NOVA1: variants seen among roughly 807,000 people sequenced by gnomAD.
NOVA1 encodes NOVA alternative splicing regulator 1.
A neutral mutation model predicts 38.0 loss-of-function variants in NOVA1; 7 were observed. The ratio of observed to expected loss-of-function variants is 0.18; its 90% CI spans 0.10 to 0.35. NOVA1 has a LOEUF of 0.35. NOVA1 is among the 10% of genes least tolerant of loss of function. The pLI is 1.00. For synonymous variants in NOVA1, 270 were observed against 232.5 expected, an observed-to-expected ratio of 1.16 and a Z score of -1.47; for missense variants, 460 against 616.0, an observed-to-expected ratio of 0.75 and a Z score of 2.68.
intron 2 of NOVA1, among the ~76,000 whole-genome samples, chr14:26,568,194 T>A (rs1022065976): frequency 6.6e-6 from 1 of 152,348 alleles, no homozygotes; most frequent in East Asian, 1.9e-4. Flanking sequence ...TTATTAGATC[T>A]TCTTTCTCAA....
At chr14:26,594,137 C>G (rs866145609) in intron 2 of NOVA1, 43 of 151,856 alleles carry the variant, frequency 2.8e-4, no homozygotes, top group African/African-American at 9.7e-4. Context: ...AAGCCATCTG[C>G]AAAACTACAC....
At chr14:26,486,484 C>T (rs1346633670) in intron 2 of NOVA1, among the ~76,000 whole-genome samples, 2 of 151,470 alleles carry the variant, frequency 1.3e-5, no homozygotes, top group East Asian at 3.9e-4. Context: ...CTGAGGCGGG[C>T]GGATCATGAG....
At chr14:26,461,258 CT>C (rs1319358339) in intron 4 of NOVA1, among the ~76,000 whole-genome samples, 2 of 152,144 alleles carry the variant, frequency 1.3e-5, no homozygotes, top group East Asian at 1.9e-4. Flanking sequence ...ACTCTTTCCC[CT>C]GATGTGTACC....
chr14:26,589,194 G>A lies in NOVA1; in HGVS notation c.280+6216C>T, dbSNP rs572072610. 1.1e-3 allele frequency among the ~76,000 whole-genome samples: 166 copies of A among 151,574 alleles called. 1 individual carries two copies. The highest frequency in any genetic ancestry group is 3.0e-3 in the African/African-American group (124 of 41,446). On this transcript the variant is annotated intron_variant, in intron 2 of 4. Transcript: ENST00000539517. ...GATAGTACAGACTTTGCCAGATTTC[G>A]TTTAAATGTATTTTTACCTTTGAAT...
At chr14:26,529,940 A>AT (rs922023452) in intron 2 of NOVA1, among the ~76,000 whole-genome samples, 6 of 149,658 alleles carry the variant, frequency 4.0e-5, no homozygotes, top group African/African-American at 9.8e-5. Flanking sequence ...AAAATGGCTC[A>AT]TTTTTTTTTC....
At chr14:26,492,940 A>G (rs936953376) in intron 2 of NOVA1, among the ~76,000 whole-genome samples, 2 of 152,134 alleles carry the variant, frequency 1.3e-5, no homozygotes, top group Non-Finnish European at 2.9e-5. Flanking sequence ...CTCAAAAAAA[A>G]AATTAAAATT....
At chr14:26,532,314 T>A (rs968321816) in intron 2 of NOVA1, among the ~76,000 whole-genome samples, 3 of 152,186 alleles carry the variant, frequency 2.0e-5, no homozygotes, top group Admixed American at 6.5e-5. Flanking sequence ...ATAAACTGTG[T>A]ATACACACAC....
At chr14:26,554,240 G>A (rs917981750) in intron 2 of NOVA1, among the ~76,000 whole-genome samples, 9 of 151,680 alleles carry the variant, frequency 5.9e-5, no homozygotes, top group Non-Finnish European at 1.2e-4. Flanking sequence ...AGGCAGTGGA[G>A]CACAAACAGA....
At chr14:26,457,847 T>C (rs530465490) in intron 4 of NOVA1, among the ~76,000 whole-genome samples, 1 of 152,120 alleles carries the variant, frequency 6.6e-6, no homozygotes, top group Non-Finnish European at 1.5e-5. Context: ...GGACAAGATG[T>C]GGACAGGGAA....
At chr14:26,460,585 T>C (rs915791788) in intron 4 of NOVA1, among the ~76,000 whole-genome samples, 1 of 152,062 alleles carries the variant, frequency 6.6e-6, no homozygotes, top group African/African-American at 2.4e-5. Flanking sequence ...AAATGAATTA[T>C]ATGGCATTAG....
At chr14:26,564,023 T>C (rs902722137) in intron 2 of NOVA1, among the ~76,000 whole-genome samples, 3 of 152,156 alleles carry the variant, frequency 2.0e-5, no homozygotes, top group African/African-American at 7.2e-5. Flanking sequence ...AAATAAAGTG[T>C]GTATAGCAAG....
intron 2 of NOVA1, among the ~76,000 whole-genome samples, chr14:26,486,770 A>T (rs1885942858): frequency 6.7e-6 from 1 of 150,164 alleles, no homozygotes; most frequent in Non-Finnish European, 1.5e-5. Context: ...TCCTAGTGAC[A>T]ACCATAGGGA....
At chr14:26,592,489 A>G (rs1893915678) in intron 2 of NOVA1, among the ~76,000 whole-genome samples, 1 of 151,436 alleles carries the variant, frequency 6.6e-6, no homozygotes, top group South Asian at 2.1e-4. Flanking sequence ...TGGATTACGT[A>G]GTACAGCAAA....
chr14:26,534,620 A>G lies in NOVA1; in HGVS notation c.281-54477T>C, dbSNP rs577730307. Among the ~76,000 whole-genome samples, 5 of 152,130 alleles carry G rather than the reference A, an allele frequency of 3.3e-5. No individual in the cohort carries two copies. The South Asian group carries it at 1.0e-3, about 31-fold the overall frequency. ...GAAATAAAATAGTATAAAATTAATA[A>G]TTATTCTATATGGGCAGGCTGAATA... On this transcript the variant is annotated intron_variant, in intron 2 of 4. Transcript: ENST00000539517.
At chr14:26,497,162 A>G (rs1013964637) in intron 2 of NOVA1, among the ~76,000 whole-genome samples, 5 of 152,186 alleles carry the variant, frequency 3.3e-5, no homozygotes, top group Non-Finnish European at 1.5e-5. Context: ...ACAGACAAAC[A>G]GAGAGCCAAA....
At chr14:26,543,265 A>G (rs1890583112) in intron 2 of NOVA1, among the ~76,000 whole-genome samples, 1 of 151,918 alleles carries the variant, frequency 6.6e-6, no homozygotes, top group South Asian at 2.1e-4. Flanking sequence ...TTTTGGAACA[A>G]GGAGAAAAAT....
chr14:26,583,111 C>G (rs955615481), intron 2 of NOVA1, among the ~76,000 whole-genome samples: 2 of 151,614 alleles, frequency 1.3e-5, no homozygotes, highest in Non-Finnish European at 3.0e-5. Context: ...TAAAATACTA[C>G]TGTAAAGAAA....
Position 26,448,635 on chromosome 14 carries a change from G to C in NOVA1, c.848C>G (p.Ala283Gly), listed in dbSNP as rs777679448. 2.4e-5 allele frequency: 39 copies of C among 1,614,144 alleles called. No homozygotes were observed. The highest frequency in any genetic ancestry group is 3.1e-5 in the Non-Finnish European group (37 of 1,180,054). ...ATGTCCTAATAGCCCTGCAGCTGCT[G>C]CAGCAGTTGGTAACACTTCAGCAGT... ...ANTAEVLPTA[A>G]AAAGLLGHAN... Residue 283 changes from alanine to glycine, a missense_variant, in exon 5 of 5, where the codon GCA (alanine) becomes GGA (glycine). By Grantham distance (60) the Ala-to-Gly change is moderately conservative (BLOSUM62 0). Transcript: ENST00000539517. The surrounding 1 kb of genome is among the most constrained non-coding windows in gnomAD (Gnocchi z 5.3).
intron 2 of NOVA1, among the ~76,000 whole-genome samples, chr14:26,530,757 GA>G (rs144740840): frequency 2.4e-4 from 36 of 151,208 alleles, no homozygotes; most frequent in Non-Finnish European, 4.3e-4. Flanking sequence ...TGGGAGGGCA[GA>G]AAAAAAACAT....
Sources: allele counts gnomAD v4.1 joint callset (sites outside exome capture counted in the v4.1 genomes callset), GRCh38; gene constraint gnomAD v4.1.1; non-coding constraint Gnocchi (gnomAD v3.1); transcripts MANE v1.5; gene names NCBI Gene and HGNC (gene_info 2026-07-23, HGNC 2026-07-21).